Variants in GAREM2 observed in about 807,000 individuals in gnomAD.
GAREM2 encodes the protein GRB2-associated and regulator of MAPK protein 2.
A neutral mutation model predicts 55.6 loss-of-function variants in GAREM2; 30 were observed. That is an observed-to-expected ratio of 0.54 (90% CI 0.40 to 0.73). The LOEUF (loss-of-function observed/expected upper bound fraction) is 0.73, where lower values mean the gene tolerates loss of function less well. GAREM2 is among the 30% of genes least tolerant of loss of function. GAREM2 has a pLI of 0.00. For synonymous variants in GAREM2, 550 were observed against 569.1 expected (o/e 0.97, Z 0.48); for missense variants, 1,075 against 1,257.7 (o/e 0.85, Z 2.20).
At chr2:26,195,530 C>A in the GAREM2 span, among the ~76,000 whole-genome samples, 6 of 140,570 alleles carry the variant, frequency 4.3e-5, no homozygotes, top group Non-Finnish European at 9.0e-5. Flanking sequence ...TATTGGGGAA[C>A]GACGGATGAA....
downstream of GAREM2, chr2:26,192,316 G>A (rs1669530829): frequency 6.4e-7 from 1 of 1,553,566 alleles, no homozygotes; most frequent in Non-Finnish European, 8.9e-7. Flanking sequence ...TTACACTTCA[G>A]ACTTAGGAGG....
intron 4 of GAREM2, 74 bp downstream of exon 4, chr2:26,185,350 C>T: frequency 7.1e-7 from 1 of 1,416,276 alleles, no homozygotes. Context: ...GCCCCGGCCC[C>T]GGAGTATGTG....
At chr2:26,178,125 C>T (rs755491282) in intron 2 of GAREM2, among the ~76,000 whole-genome samples, 1 of 152,142 alleles carries the variant, frequency 6.6e-6, no homozygotes, top group Non-Finnish European at 1.5e-5. Flanking sequence ...TGTACTCCAC[C>T]CCCCAAACCC....
At chr2:26,192,223 A>AC (rs200373328), downstream of GAREM2, 762 of 749,130 alleles carry the variant, frequency 1.0e-3, 3 homozygotes, top group South Asian at 6.2e-3. Context: ...AAGTATTAAA[A>AC]AAAAAAAAAA....
chr2:26,183,129 C>CCA, intron 3 of GAREM2, 32 bp downstream of exon 3: 1 of 1,548,728 alleles, frequency 6.5e-7, no homozygotes, highest in Middle Eastern at 1.7e-4. Flanking sequence ...TGTGGTGTCC[C>CCA]CACACTACTC....
the GAREM2 span, among the ~76,000 whole-genome samples, chr2:26,196,874 T>G: frequency 1.3e-5 from 2 of 152,198 alleles, no homozygotes; most frequent in African/African-American, 4.8e-5. Context: ...CGGCTGCAAC[T>G]TCTCCCTATG....
intron 2 of GAREM2, 73 bp downstream of exon 2, chr2:26,176,557 G>C: frequency 3.0e-6 from 4 of 1,325,546 alleles, no homozygotes; most frequent in Non-Finnish European, 4.0e-6. Context: ...GCCAGGGGTA[G>C]GGGGAACGCT....
intron 1 of GAREM2, among the ~76,000 whole-genome samples, chr2:26,173,874 C>T (rs1458470834): frequency 5.3e-5 from 8 of 152,190 alleles, no homozygotes. Flanking sequence ...CGGCGGGAGC[C>T]GGGTCTGCTG....
At position 26,179,874 on chromosome 2, in the gene GAREM2, G is replaced by C. The variant is rs1008983466; in HGVS notation, c.254-3093G>C. Among the ~76,000 whole-genome samples, 2 of 152,110 alleles carry C rather than the reference G, an allele frequency of 1.3e-5. No individual in the cohort carries two copies. The highest frequency in any genetic ancestry group is 4.8e-5 in the African/African-American group (2 of 41,404). Reference sequence around the variant, plus strand: ...GACTTGGCTCCAAGTCGCCCCACAGGGGGCAGTGGGCATTGCTCCCTGCCT... The same window carrying C: ...GACTTGGCTCCAAGTCGCCCCACAGCGGGCAGTGGGCATTGCTCCCTGCCT... On this transcript the variant is annotated intron_variant, in intron 2 of 5. Coordinates refer to ENST00000401533, the MANE Select transcript of GAREM2 (RefSeq NM_001168241.2). This position sits in a 1 kb window ranked among gnomAD's most constrained non-coding sequence, Gnocchi z 4.7.
intron 2 of GAREM2, among the ~76,000 whole-genome samples, chr2:26,178,902 G>GGAGGCGGAGGCGGAGGCGGAGGCA (rs1558305243): frequency 1.3e-5 from 2 of 152,154 alleles, no homozygotes; most frequent in East Asian, 1.9e-4. Flanking sequence ...AGGCGGAGGC[G>GGAGGCGGAGGCGGAGGCGGAGGCA]GAGGCAGAGG....
chr2:26,175,600 G>T (rs1249707551), intron 1 of GAREM2, among the ~76,000 whole-genome samples: 6 of 152,106 alleles, frequency 3.9e-5, no homozygotes, highest in Admixed American at 3.9e-4. Context: ...TCTCTGAGAT[G>T]GGGTTGGGGG....
intron 1 of GAREM2, among the ~76,000 whole-genome samples, chr2:26,175,843 T>G (rs1668847559): frequency 6.6e-6 from 1 of 152,206 alleles, no homozygotes; most frequent in African/African-American, 2.4e-5. Flanking sequence ...GCCTAGGCCC[T>G]GACTGGGAAG....
chr2:26,181,646 T>C (rs1318481478), intron 2 of GAREM2: 3 of 152,188 alleles, frequency 2.0e-5, no homozygotes, highest in African/African-American at 4.8e-5. Context: ...AATAATTAAA[T>C]GAATGAACTG....
intron 2 of GAREM2, chr2:26,180,648 G>A (rs1012025147): frequency 3.9e-5 from 6 of 153,616 alleles, no homozygotes; most frequent in East Asian, 1.9e-4. Context: ...ACAGAGTCTC[G>A]CTCTGTTGCC....
chr2:26,202,900 C>CA, the GAREM2 span, among the ~76,000 whole-genome samples: 5 of 152,234 alleles, frequency 3.3e-5, no homozygotes, highest in Non-Finnish European at 7.3e-5. Flanking sequence ...CAAGAGAGGA[C>CA]AGGAACTATT....
chr2:26,191,734 G>A, downstream of GAREM2: 1 of 1,153,378 alleles, frequency 8.7e-7, no homozygotes, highest in East Asian at 2.3e-5. Flanking sequence ...GGAGCTCTGT[G>A]GGCCGGTTGG....
rs1176710443 is a variant in GAREM2, at chr2:26,185,204, C to T, written c.1356C>T (p.Ser452=). ...CGCCCCCAGGGCTCGATCTCATCTC[C>T]TTCGGGGCCGCGGGACCGCCGCGTC... The part of the protein sequence containing the change: ...VRPPPGLDLI[S]FGAAGPPRRE... The change falls in exon 4 of 6, where the codon TCC becomes TCT. Residue 452 remains serine, a synonymous_variant. Coordinates refer to ENST00000401533, the MANE Select transcript of GAREM2 (RefSeq NM_001168241.2). 16 of 1,521,878 alleles carry T rather than the reference C, an allele frequency of 1.1e-5. No individual in the cohort carries two copies. In the South Asian group the frequency reaches 1.3e-4, roughly 13 times the overall value. 94.3% of individuals were successfully genotyped at this position (1,521,878 alleles called of 1,614,324 possible). A position where few individuals can be genotyped will look rare whatever the true frequency, so the allele number is the denominator to read the frequency against.
In GAREM2 at chr2:26,188,702, G is replaced by A. The variant is rs1284569285; in HGVS notation, c.*445G>A. ...TTCCCAAGTGCCCACTCTCCTTTGT[G>A]CTCTGTTGGCTTTTGGCCTAAAGCT... On this transcript the variant is annotated 3_prime_UTR_variant, in exon 6 of 6. Transcript: ENST00000401533. 6.4e-6 allele frequency: 1 copy of A among 155,428 alleles called. No individual in the cohort carries two copies. The highest frequency in any genetic ancestry group is 1.4e-5 in the Non-Finnish European group (1 of 70,350). The allele number at this position is 155,428 out of a possible 1,614,324, so 9.6% of individuals were successfully genotyped here. A position where few individuals can be genotyped will look rare whatever the true frequency, so the allele number is the denominator to read the frequency against.
At chr2:26,200,405 C>G in the GAREM2 span, among the ~76,000 whole-genome samples, 5 of 152,202 alleles carry the variant, frequency 3.3e-5, no homozygotes, top group Non-Finnish European at 5.9e-5. Flanking sequence ...TTGTTCATGT[C>G]AGCCCATCTC....
Sources: allele counts gnomAD v4.1 joint callset (sites outside exome capture counted in the v4.1 genomes callset), GRCh38; gene constraint gnomAD v4.1.1; non-coding constraint Gnocchi (gnomAD v3.1); transcripts MANE v1.5; gene names NCBI Gene and HGNC (gene_info 2026-07-23, HGNC 2026-07-21).